DPF3: variants seen among roughly 807,000 people sequenced by gnomAD.
The protein encoded by DPF3 is zinc finger protein DPF3.
A neutral mutation model predicts 56.8 loss-of-function variants in DPF3; 18 were observed. The ratio of observed to expected loss-of-function variants is 0.32; its 90% CI spans 0.22 to 0.47. DPF3 has a LOEUF of 0.47. Among genes scored for constraint, DPF3 ranks in the 20% least tolerant of loss-of-function variants. The pLI is 1.00. For synonymous variants in DPF3, 188 were observed against 180.2 expected, an observed-to-expected ratio of 1.04 and a Z score of -0.35; for missense variants, 403 against 488.8, an observed-to-expected ratio of 0.82 and a Z score of 1.65.
At chr14:72,687,524 C>T (rs1887465034) in intron 7 of DPF3, among the ~76,000 whole-genome samples, 1 of 152,190 alleles carries the variant, frequency 6.6e-6, no homozygotes, top group Non-Finnish European at 1.5e-5. Flanking sequence ...ATAGAAGACG[C>T]TTCCCACTGT....
At chr14:72,685,922 G>A (rs1230209871) in intron 7 of DPF3, among the ~76,000 whole-genome samples, 1 of 152,188 alleles carries the variant, frequency 6.6e-6, no homozygotes, top group Non-Finnish European at 1.5e-5. Context: ...TGCCACACTT[G>A]TCTAGATTGC....
At chr14:72,761,104 G>A (rs1300064637) in intron 2 of DPF3, among the ~76,000 whole-genome samples, 1 of 151,840 alleles carries the variant, frequency 6.6e-6, no homozygotes, top group Non-Finnish European at 1.5e-5. Flanking sequence ...GAATTGTAAG[G>A]AGAAATAAGC....
At chr14:72,817,505 T>A (rs1311245350) in intron 1 of DPF3, among the ~76,000 whole-genome samples, 1 of 151,880 alleles carries the variant, frequency 6.6e-6, no homozygotes, top group Non-Finnish European at 1.5e-5. Context: ...AACTAAAAAA[T>A]AATAATAATA....
At position 72,674,257 on chromosome 14, in the gene DPF3, G is replaced by A; in HGVS notation, c.854C>T (p.Ala285Val). Residue 285 changes from alanine to valine, a missense_variant, in exon 8 of 11, where the codon GCA becomes GTA. Around this residue, in one of 2 missense-constraint regions of DPF3, gnomAD observed 340 missense variants for 374.3 expected, o/e 0.91. Transcript: ENST00000556509. ...ACACTCACCAGAGCGTCCACAGTCT[G>A]CGCAGGACACCAGCTCTTCAGGCCG... Reference protein sequence around the residue: ...SGRPEELVSCADCGRSGHPTC... With the variant: ...SGRPEELVSCVDCGRSGHPTC... 1 of 1,612,826 alleles carries A rather than the reference G, an allele frequency of 6.2e-7. No individual in the cohort carries two copies. The highest frequency in any genetic ancestry group is 1.3e-5 in the African/African-American group (1 of 74,974).
At chr14:72,657,321 T>C (rs542717887) in intron 8 of DPF3, among the ~76,000 whole-genome samples, 2 of 152,284 alleles carry the variant, frequency 1.3e-5, no homozygotes, top group Admixed American at 6.5e-5. Context: ...AGACCCAAGT[T>C]GCTAGAGATG....
intron 6 of DPF3, among the ~76,000 whole-genome samples, chr14:72,706,312 G>A (rs11627420): frequency 0.022 from 3,393 of 152,196 alleles, 52 homozygotes; most frequent in Middle Eastern, 0.068. Flanking sequence ...GCCCCTCTTC[G>A]TGTGACCACT....
At chr14:72,893,550 G>A (rs8007058) in intron 1 of DPF3, among the ~76,000 whole-genome samples, 53,879 of 151,862 alleles carry the variant, frequency 0.35, 11,107 homozygotes, top group East Asian at 0.58. Context: ...TGCAAACTCC[G>A]GAGCCTCCGC....
chr14:72,718,865 G>A (rs897625022), intron 5 of DPF3, among the ~76,000 whole-genome samples: 6 of 138,762 alleles, frequency 4.3e-5, no homozygotes, highest in Non-Finnish European at 9.1e-5. Context: ...TCCGCCTCCC[G>A]GGTTCAAGTG....
rs1471024246 is a variant in DPF3 at position 72,725,992 on chromosome 14, A to G, written c.430-2264T>C. The stretch of plus-strand genomic sequence containing the variant: ...AGCCTTAACCATCTAACAGAGAAGA[A>G]GCATTGTCTGCTGGACATGACCTCT... On this transcript the variant is annotated intron_variant, in intron 4 of 10. Transcript: ENST00000556509. Among the ~76,000 whole-genome samples the G allele has an allele frequency of 2.6e-5, 4 of 152,232 alleles. No individual in the cohort carries two copies. In the East Asian group the frequency reaches 7.7e-4, roughly 29 times the overall value.
intron 1 of DPF3, among the ~76,000 whole-genome samples, chr14:72,799,105 G>A (rs1333567585): frequency 4.6e-5 from 7 of 152,172 alleles, no homozygotes; most frequent in Non-Finnish European, 7.3e-5. Context: ...TGGGCAGGTG[G>A]GGCTGAATGG....
chr14:72,691,378 T>G (rs1422344179), intron 7 of DPF3, among the ~76,000 whole-genome samples: 1 of 152,092 alleles, frequency 6.6e-6, no homozygotes, highest in African/African-American at 2.4e-5. Context: ...AGAGGTAAAG[T>G]TAAAATGGGC....
chr14:72,842,334 C>T (rs1884579082), intron 1 of DPF3, among the ~76,000 whole-genome samples: 1 of 152,128 alleles, frequency 6.6e-6, no homozygotes, highest in African/African-American at 2.4e-5. Flanking sequence ...ACCACATGCT[C>T]ATCAAAAGTA....
Position 72,612,409 on chromosome 14 carries a change from A to G in DPF3, c.*6888T>C, listed in dbSNP as rs1009937242. The G allele has an allele frequency of 9.8e-6, 5 of 511,618 alleles. No individual in the cohort carries two copies. The highest frequency in any genetic ancestry group is 1.9e-5 in the Non-Finnish European group (5 of 256,414). 31.7% of individuals were successfully genotyped at this position (511,618 alleles called of 1,614,324 possible). On this transcript the variant is annotated 3_prime_UTR_variant, in exon 11 of 11. Transcript: ENST00000556509. Reference sequence around the variant, plus strand: ...TCTATATTTTCATGCTCTTGCTCACATATCAGGCAGTGTTTCTGTCCTTTT... The same window carrying G: ...TCTATATTTTCATGCTCTTGCTCACGTATCAGGCAGTGTTTCTGTCCTTTT...
At chr14:72,748,837 A>G (rs552176891) in intron 3 of DPF3, among the ~76,000 whole-genome samples, 2 of 152,230 alleles carry the variant, frequency 1.3e-5, no homozygotes, top group East Asian at 3.8e-4. Context: ...ACAGAAGTCA[A>G]GAACTGAAGT....
chr14:72,883,676 C>G (rs8020478), intron 1 of DPF3, among the ~76,000 whole-genome samples: 27 of 152,094 alleles, frequency 1.8e-4, no homozygotes, highest in Non-Finnish European at 2.8e-4. Flanking sequence ...GCCTGTAATC[C>G]CAGCACGTGG....
At chr14:72,662,071 T>C (rs915049352) in intron 8 of DPF3, 17 of 985,188 alleles carry the variant, frequency 1.7e-5, no homozygotes, top group South Asian at 4.7e-5. Context: ...AAACTGCTGA[T>C]TTGTGGCTAA....
intron 2 of DPF3, among the ~76,000 whole-genome samples, chr14:72,770,707 T>C (rs1274365604): frequency 1.3e-5 from 2 of 152,244 alleles, no homozygotes; most frequent in East Asian, 1.9e-4. Flanking sequence ...TGTTTTACTA[T>C]TGTCTTCAGT....
At chr14:72,756,879 A>AGGAG (rs1305820604) in intron 2 of DPF3, among the ~76,000 whole-genome samples, 1 of 137,092 alleles carries the variant, frequency 7.3e-6, no homozygotes, top group Admixed American at 7.4e-5. Flanking sequence ...AAAGGAAGGA[A>AGGAG]AGAAGGAAAG....
chr14:72,700,360 C>G (rs951787136), intron 6 of DPF3, among the ~76,000 whole-genome samples: 1 of 152,292 alleles, frequency 6.6e-6, no homozygotes, highest in South Asian at 2.1e-4. Context: ...ATTTATTGAA[C>G]AAGGGCCCCC....
Sources: gnomAD v4.1 joint callset for allele counts (sites outside exome capture counted in the v4.1 genomes callset) on GRCh38, gnomAD v4.1.1 for gene constraint, gnomAD v4.1.1 regional missense constraint, MANE v1.5 for transcripts, NCBI Gene and HGNC (gene_info 2026-07-23, HGNC 2026-07-21) for gene names.